AZIN2: variants seen among roughly 807,000 people sequenced by gnomAD.
The protein encoded by AZIN2 is antizyme inhibitor 2.
A neutral mutation model predicts 47.8 loss-of-function variants in AZIN2; 28 were observed. That is an observed-to-expected ratio of 0.59 (90% CI 0.43 to 0.80). The LOEUF (loss-of-function observed/expected upper bound fraction) is 0.80, where lower values mean the gene tolerates loss of function less well. Ranked by LOEUF, AZIN2 falls within the 30% of genes least tolerant of loss-of-function variation. The probability of loss-of-function intolerance (pLI) is 0.00; values close to 1 mark genes in which losing one functional copy is unlikely to be tolerated. For missense variants in AZIN2, 535 were observed against 582.5 expected, an observed-to-expected ratio of 0.92 and a Z score of 0.84; for synonymous variants, 221 against 239.4, an observed-to-expected ratio of 0.92 and a Z score of 0.71.
the AZIN2 span, among the ~76,000 whole-genome samples, chr1:33,153,881 G>A: frequency 4.6e-5 from 7 of 152,236 alleles, no homozygotes; most frequent in Admixed American, 2.6e-4. Flanking sequence ...TGCTGGGAGT[G>A]AATCAGACCT....
rs750438668 is a variant in AZIN2, at chr1:33,094,581, G to T, written c.621G>T (p.Gln207His). Residue 207 changes from glutamine to histidine, a missense_variant, in exon 8 of 12, where the codon CAG becomes CAT. Gln to His is a conservative substitution (Grantham distance 24). Transcript: ENST00000294517. ...TTGGCAGTGGCTGTCCTGACCCTCA[G>T]GCCTATGCTCAGTCCATCGCAGACG... The part of the protein sequence containing the change: ...FHIGSGCPDP[Q>H]AYAQSIADAR... The T allele has an allele frequency of 1.2e-6, 2 of 1,614,124 alleles. No homozygotes were observed. The highest frequency in any genetic ancestry group is 1.7e-6 in the Non-Finnish European group (2 of 1,179,998).
chr1:33,133,843 G>T, the AZIN2 span, among the ~76,000 whole-genome samples: 1 of 152,238 alleles, frequency 6.6e-6, no homozygotes, highest in African/African-American at 2.4e-5. Flanking sequence ...GTGGCCAATT[G>T]TTCTTCCCCT....
rs1435127318 is a variant in AZIN2 at position 33,121,911 on chromosome 1, G to A, written c.*1729G>A. ...AATGTGGCATGGGTTTGGAGTGAAC[G>A]AGGTGCTTTCTCAAAGCCAGGGGTG... On this transcript the variant is annotated 3_prime_UTR_variant, in exon 12 of 12. Coordinates refer to ENST00000294517, the MANE Select transcript of AZIN2 (RefSeq NM_052998.4). Among the ~76,000 whole-genome samples the A allele has an allele frequency of 1.3e-5, 2 of 152,176 alleles. No individual in the cohort carries two copies. Among genetic ancestry groups the A allele is most frequent in the Non-Finnish European group, 2.9e-5 (2 of 68,034 alleles).
rs1161317999 is a variant in AZIN2 at position 33,121,015 on chromosome 1, C to T, written c.*833C>T. On this transcript the variant is annotated 3_prime_UTR_variant, in exon 12 of 12. Transcript: ENST00000294517. ...CTTCTTTGGGCAGTGCCTGTTAGAA[C>T]AGGGCTGGCCACGGAGTATTGCTGT... 6.6e-6 allele frequency among the ~76,000 whole-genome samples: 1 copy of T among 152,148 alleles called. No homozygotes were observed. Among genetic ancestry groups the T allele is most frequent in the Non-Finnish European group, 1.5e-5 (1 of 68,018 alleles).
the AZIN2 span, among the ~76,000 whole-genome samples, chr1:33,157,544 TC>T: frequency 8.3e-3 from 1,269 of 152,272 alleles, 17 homozygotes; most frequent in African/African-American, 0.029. Context: ...TTTACTTTTG[TC>T]TACTTTCTAT....
chr1:33,094,485 T>G, intron 7 of AZIN2, 63 bp from the exon 8 acceptor site: 1 of 1,528,802 alleles, frequency 6.5e-7, no homozygotes, highest in South Asian at 1.2e-5. Context: ...CATTCTTGGC[T>G]GGGGCTCAGG....
chr1:33,140,267 GGTTT>G, the AZIN2 span, among the ~76,000 whole-genome samples: 1 of 152,236 alleles, frequency 6.6e-6, no homozygotes, highest in Non-Finnish European at 1.5e-5. The surrounding 1 kb of genome is among the most constrained non-coding windows in gnomAD (Gnocchi z 4.0). Flanking sequence ...ACGGAGCTGG[GGTTT>G]ACCCAGGTCT....
chr1:33,125,222 G>T (rs549160012), downstream of AZIN2, among the ~76,000 whole-genome samples: 1 of 152,222 alleles, frequency 6.6e-6, no homozygotes, highest in Admixed American at 6.5e-5. Context: ...AGAGGACAGG[G>T]GTTCCACTCA....
the AZIN2 span, among the ~76,000 whole-genome samples, chr1:33,151,438 T>C: frequency 4.0e-5 from 6 of 151,786 alleles, no homozygotes; most frequent in Non-Finnish European, 7.4e-5. Context: ...TAACACAGGG[T>C]CTTGGCTCCT....
chr1:33,144,036 T>C, the AZIN2 span, among the ~76,000 whole-genome samples: 1 of 152,332 alleles, frequency 6.6e-6, no homozygotes, highest in East Asian at 1.9e-4. Context: ...GTACAGAAGA[T>C]AGTGTCTGAT....
In AZIN2 at chr1:33,117,963, G is replaced by A; in HGVS notation, c.1091G>A (p.Cys364Tyr). 1 of 1,613,206 alleles carries A rather than the reference G, an allele frequency of 6.2e-7. No homozygotes were observed. Among genetic ancestry groups the A allele is most frequent in the Non-Finnish European group, 8.5e-7 (1 of 1,179,550 alleles). The stretch of plus-strand genomic sequence containing the variant: ...CTGTGGGGCCCGGCGGTTGATGGCT[G>A]TGATTGCGTGGCTGAGGGCCTGTGG... ...SSLWGPAVDG[C>Y]DCVAEGLWLP... Residue 364 changes from cysteine to tyrosine, a missense_variant, in exon 11 of 12, where the codon TGT becomes TAT. Cys to Tyr is a radical substitution (Grantham distance 194, BLOSUM62 -2). Coordinates refer to ENST00000294517, the MANE Select transcript of AZIN2 (RefSeq NM_052998.4).
rs761498320 is a variant in AZIN2, at chr1:33,117,994, G to GC, written c.1123dup (p.Gln375ProfsTer11). The stretch of plus-strand genomic sequence containing the variant: ...GCGTGGCTGAGGGCCTGTGGCTGCC[G>GC]CAACTACACGTAGGGGACTGGCTGG... On this transcript the variant is annotated frameshift_variant, in exon 11 of 12. Transcript: ENST00000294517. LOFTEE classifies it high-confidence loss of function. 3 of 1,608,294 alleles carry GC rather than the reference G, an allele frequency of 1.9e-6. No individual in the cohort carries two copies. The South Asian group carries it at 3.3e-5, about 18-fold the overall frequency.
chr1:33,099,417 C>T (rs562643655), intron 10 of AZIN2, among the ~76,000 whole-genome samples: 14 of 152,330 alleles, frequency 9.2e-5, no homozygotes, highest in South Asian at 2.1e-4. Context: ...TCTACTCTGA[C>T]GCACTAGCAT....
At chr1:33,085,512 A>G (rs1641787359) in intron 5 of AZIN2, among the ~76,000 whole-genome samples, 2 of 151,988 alleles carry the variant, frequency 1.3e-5, no homozygotes. Context: ...GCTTTGTGAT[A>G]TTGTCATTAG....
chr1:33,105,673 C>T (rs1643968262), intron 10 of AZIN2, among the ~76,000 whole-genome samples: 1 of 152,110 alleles, frequency 6.6e-6, no homozygotes, highest in Non-Finnish European at 1.5e-5. Context: ...CCCAACAGGC[C>T]CCTCCCTCAA....
the AZIN2 span, chr1:33,146,781 G>GTGC: frequency 7.5e-6 from 2 of 267,326 alleles, no homozygotes. Context: ...ACATAAGAGG[G>GTGC]TGCTGTGTGT....
chr1:33,161,281 AG>A, the AZIN2 span, among the ~76,000 whole-genome samples: 1 of 152,214 alleles, frequency 6.6e-6, no homozygotes, highest in Non-Finnish European at 1.5e-5. The surrounding 1 kb of genome is among the most constrained non-coding windows in gnomAD (Gnocchi z 4.3). Context: ...GTTGGGGGTC[AG>A]GGGAACAGGC....
rs891988006 is a variant in AZIN2 at position 33,113,936 on chromosome 1, T to C, written c.1030-3966T>C. On this transcript the variant is annotated intron_variant, in intron 10 of 11. Coordinates refer to ENST00000294517, the MANE Select transcript of AZIN2 (RefSeq NM_052998.4). The surrounding 1 kb of genome is among the most constrained non-coding windows in gnomAD (Gnocchi z 4.1). ...ATTTTCCATGTTATGAAGCCAGTGA[T>C]TGACTTCTCTCCTGTTGTCTGCACC... Among the ~76,000 whole-genome samples the C allele has an allele frequency of 3.3e-5, 5 of 152,352 alleles. No homozygotes were observed. In the South Asian group the frequency reaches 6.2e-4, roughly 19 times the overall value.
the AZIN2 span, among the ~76,000 whole-genome samples, chr1:33,150,713 T>G: frequency 1.3e-5 from 2 of 152,068 alleles, no homozygotes. Flanking sequence ...TGTGGGCAAT[T>G]CCCACAGTGG....
Sources: allele counts gnomAD v4.1 joint callset (sites outside exome capture counted in the v4.1 genomes callset), GRCh38; gene constraint gnomAD v4.1.1; non-coding constraint Gnocchi (gnomAD v3.1); transcripts MANE v1.5; gene names NCBI Gene and HGNC (gene_info 2026-07-23, HGNC 2026-07-21).